The following TCERG1L variants were observed in gnomAD, a reference collection of about 807,000 sequenced individuals.
TCERG1L encodes the protein transcription elongation regulator 1 like.
In TCERG1L, 37 loss-of-function variants were observed where a neutral mutation model predicts 56.3. The ratio of observed to expected loss-of-function variants is 0.66; its 90% CI spans 0.51 to 0.87. TCERG1L has a LOEUF of 0.87. TCERG1L is among the 40% of genes least tolerant of loss of function. The pLI is 0.00. For missense variants in TCERG1L, 799 were observed against 774.2 expected, an observed-to-expected ratio of 1.03 and a Z score of -0.38; for synonymous variants, 324 against 326.3, an observed-to-expected ratio of 0.99 and a Z score of 0.08.
intron 3 of TCERG1L, among the ~76,000 whole-genome samples, chr10:131,285,509 AAAGAAAGAAAGAAAGAGAG>A (rs754010172): frequency 0.12 from 6,911 of 57,394 alleles, 544 homozygotes; most frequent in East Asian, 0.26. Context: ...AGAAAGAAAG[AAAGAAAGAAAGAAAGAGAG>A]AAAGAAAAGA....
intron 4 of TCERG1L, among the ~76,000 whole-genome samples, chr10:131,195,985 G>A (rs979715814): frequency 1.1e-4 from 16 of 152,220 alleles, no homozygotes; most frequent in Non-Finnish European, 1.9e-4. Context: ...CTGGCACTGA[G>A]TGGACACGCA....
At chr10:131,094,719 C>T (rs1845223000) in intron 11 of TCERG1L, among the ~76,000 whole-genome samples, 1 of 152,084 alleles carries the variant, frequency 6.6e-6, no homozygotes, top group South Asian at 2.1e-4. Context: ...TTCCTTTCTT[C>T]CTTCTCTCCC....
intron 4 of TCERG1L, among the ~76,000 whole-genome samples, chr10:131,225,579 T>G (rs1475465241): frequency 6.6e-6 from 1 of 152,146 alleles, no homozygotes; most frequent in Non-Finnish European, 1.5e-5. Context: ...GAGTCCCTAT[T>G]TAATGCTGAA....
intron 6 of TCERG1L, among the ~76,000 whole-genome samples, chr10:131,155,630 C>T (rs939075907): frequency 2.6e-5 from 4 of 152,204 alleles, no homozygotes; most frequent in Admixed American, 6.5e-5. Flanking sequence ...CTGATCTCCC[C>T]GCCAGTCGCC....
intron 4 of TCERG1L, among the ~76,000 whole-genome samples, chr10:131,167,401 A>G (rs1842429836): frequency 6.6e-6 from 1 of 152,218 alleles, no homozygotes; most frequent in South Asian, 2.1e-4. Flanking sequence ...TGGGGCCCCC[A>G]GTGCGCTGGG....
At chr10:131,217,001 G>A (rs1272919031) in intron 4 of TCERG1L, among the ~76,000 whole-genome samples, 9 of 152,096 alleles carry the variant, frequency 5.9e-5, no homozygotes, top group Non-Finnish European at 8.8e-5. Context: ...CTCCTCCACC[G>A]TCCCACACCC....
chr10:131,096,014 G>A (rs1473174877), intron 11 of TCERG1L, among the ~76,000 whole-genome samples: 1 of 152,166 alleles, frequency 6.6e-6, no homozygotes, highest in Non-Finnish European at 1.5e-5. Flanking sequence ...CAGTAATGAT[G>A]GTCTCAATAG....
chr10:131,291,648 G>A lies in TCERG1L; in HGVS notation c.670+16563C>T, dbSNP rs145217497. On this transcript the variant is annotated intron_variant, in intron 3 of 11. Transcript: ENST00000368642. ...TCACCGTGTTAGCCAAGGTGGTCTC[G>A]ATCTCCTGACCTCGTGATCCGCCCG... 8.1e-3 allele frequency among the ~76,000 whole-genome samples: 1,224 copies of A among 151,156 alleles called. 8 individuals are homozygous for A. Among genetic ancestry groups the A allele is most frequent in the Non-Finnish European group, 0.014 (944 of 67,810 alleles).
Position 131,209,452 on chromosome 10 carries a change from T to C in TCERG1L, c.857-42567A>G, listed in dbSNP as rs1045193426. Among the ~76,000 whole-genome samples the C allele has an allele frequency of 5.9e-5, 9 of 152,268 alleles. No individual in the cohort carries two copies. In the South Asian group the frequency reaches 1.9e-3, roughly 31 times the overall value. On this transcript the variant is annotated intron_variant, in intron 4 of 11. Transcript: ENST00000368642. Reference sequence around the variant, plus strand: ...AATTATGATTTAAAAATAGGAGTTTTATTTTAAAAGCATTAGGGAATCACT... The same window carrying C: ...AATTATGATTTAAAAATAGGAGTTTCATTTTAAAAGCATTAGGGAATCACT...
At chr10:131,196,117 T>C (rs1320489636) in intron 4 of TCERG1L, among the ~76,000 whole-genome samples, 1 of 152,218 alleles carries the variant, frequency 6.6e-6, no homozygotes, top group Non-Finnish European at 1.5e-5. Flanking sequence ...GTACTCCCGT[T>C]GCAGGAGACA....
At chr10:131,241,151 G>A (rs1454509516) in intron 4 of TCERG1L, among the ~76,000 whole-genome samples, 3 of 150,290 alleles carry the variant, frequency 2.0e-5, no homozygotes, top group African/African-American at 4.9e-5. Context: ...GTGTGGATCC[G>A]GAGAGTGGAG....
chr10:131,150,989 C>T (rs1418436224), intron 6 of TCERG1L, among the ~76,000 whole-genome samples: 2 of 152,176 alleles, frequency 1.3e-5, no homozygotes, highest in Non-Finnish European at 2.9e-5. Context: ...CATGAGAACT[C>T]ACTCGCTATC....
At chr10:131,205,340 A>G (rs1230792607) in intron 4 of TCERG1L, among the ~76,000 whole-genome samples, 2 of 148,650 alleles carry the variant, frequency 1.3e-5, no homozygotes, top group East Asian at 4.0e-4. Flanking sequence ...TGAAACCTAA[A>G]CAGGTTTTCA....
At chr10:131,245,245 G>A (rs930966011) in intron 4 of TCERG1L, among the ~76,000 whole-genome samples, 13 of 152,194 alleles carry the variant, frequency 8.5e-5, no homozygotes, top group Non-Finnish European at 1.3e-4. Context: ...CCTAATTAAA[G>A]AGTGAGATGA....
At chr10:131,234,748 G>C (rs1009877878) in intron 4 of TCERG1L, among the ~76,000 whole-genome samples, 1 of 152,182 alleles carries the variant, frequency 6.6e-6, no homozygotes, top group Non-Finnish European at 1.5e-5. Flanking sequence ...TCTATCACCA[G>C]GCTGGAGACC....
intron 4 of TCERG1L, among the ~76,000 whole-genome samples, chr10:131,197,343 G>A (rs759964088): frequency 2.6e-5 from 4 of 151,970 alleles, no homozygotes; most frequent in Admixed American, 6.5e-5. Context: ...CACCATGCCC[G>A]GCTAATTATT....
At chr10:131,150,436 G>A (rs1049763124) in intron 6 of TCERG1L, among the ~76,000 whole-genome samples, 7 of 152,172 alleles carry the variant, frequency 4.6e-5, no homozygotes, top group South Asian at 2.1e-4. Flanking sequence ...AGAATTATCC[G>A]GAAGCCAGAG....
At chr10:131,216,303 G>C (rs991713089) in intron 4 of TCERG1L, among the ~76,000 whole-genome samples, 6 of 152,096 alleles carry the variant, frequency 3.9e-5, no homozygotes, top group Non-Finnish European at 8.8e-5. Flanking sequence ...GCAAAGAGGA[G>C]CTCCCAGAGC....
chr10:131,127,385 C>T lies in TCERG1L; in HGVS notation c.1259+6994G>A, dbSNP rs557393596. ...GTGACCCTGTCATGAGCAGCATTCCCAGGCCAGGAGGCAGCCCCCGGGCCT... is the reference window on the plus strand; with the variant it reads ...GTGACCCTGTCATGAGCAGCATTCCTAGGCCAGGAGGCAGCCCCCGGGCCT... On this transcript the variant is annotated intron_variant, in intron 8 of 11. Transcript: ENST00000368642. Among the ~76,000 whole-genome samples the T allele has an allele frequency of 1.6e-4, 24 of 152,344 alleles. No individual in the cohort carries two copies. In the South Asian group the frequency reaches 3.3e-3, roughly 21 times the overall value.
Sources: gnomAD v4.1 joint callset for allele counts (sites outside exome capture counted in the v4.1 genomes callset) on GRCh38, gnomAD v4.1.1 for gene constraint, MANE v1.5 for transcripts, NCBI Gene and HGNC (gene_info 2026-07-23, HGNC 2026-07-21) for gene names.